The following USF3 variants were observed in gnomAD, a reference collection of about 807,000 sequenced individuals.
USF3 encodes the protein upstream transcription factor family member 3.
A neutral mutation model predicts 157.5 loss-of-function variants in USF3; 29 were observed. The ratio of observed to expected loss-of-function variants is 0.18; its 90% CI spans 0.14 to 0.25. USF3 has a LOEUF of 0.25. Ranked by LOEUF, USF3 falls within the 10% of genes least tolerant of loss-of-function variation. USF3 has a pLI of 1.00. For synonymous variants in USF3, 893 were observed against 941.4 expected (o/e 0.95, Z 0.94); for missense variants, 2,381 against 2,667.6 (o/e 0.89, Z 2.37).
intron 5 of USF3, among the ~76,000 whole-genome samples, chr3:113,667,162 G>A (rs922050472): frequency 2.0e-5 from 3 of 151,710 alleles, no homozygotes; most frequent in Admixed American, 6.7e-5. Flanking sequence ...GACCCAATAC[G>A]TAAACCCAGG....
chr3:113,682,507 TAA>T (rs1267621757), intron 1 of USF3, among the ~76,000 whole-genome samples: 6 of 152,164 alleles, frequency 3.9e-5, no homozygotes, highest in South Asian at 2.1e-4. Flanking sequence ...CAAATAAGTC[TAA>T]TGTTTGTTGA....
intron 1 of USF3, among the ~76,000 whole-genome samples, chr3:113,691,815 G>A (rs1233606501): frequency 6.6e-6 from 1 of 152,154 alleles, no homozygotes; most frequent in Non-Finnish European, 1.5e-5. Context: ...GGTAGACAGC[G>A]GTGACACTAC....
At position 113,676,527 on chromosome 3, in the gene USF3, A is replaced by G. The variant is rs527711070; in HGVS notation, c.-19+755T>C. 2.0e-5 allele frequency among the ~76,000 whole-genome samples: 3 copies of G among 152,312 alleles called. No individual in the cohort carries two copies. The South Asian group carries it at 6.2e-4, about 32-fold the overall frequency. On this transcript the variant is annotated intron_variant, in intron 2 of 6. Coordinates refer to ENST00000316407, the MANE Select transcript of USF3 (RefSeq NM_001009899.4). The stretch of plus-strand genomic sequence containing the variant: ...ACTATCACAAGAACAGCATGAGGGT[A>G]ACGGCCCCCATGATTCAATTACCTC...
At chr3:113,687,258 C>CACAG (rs746324695) in intron 1 of USF3, among the ~76,000 whole-genome samples, 92 of 151,552 alleles carry the variant, frequency 6.1e-4, no homozygotes, top group Non-Finnish European at 1.1e-3. Context: ...CACACACACA[C>CACAG]ACACACACCC....
intron 1 of USF3, among the ~76,000 whole-genome samples, chr3:113,694,122 G>A (rs1453239446): frequency 6.6e-6 from 1 of 152,252 alleles, no homozygotes; most frequent in Non-Finnish European, 1.5e-5. Context: ...ACAAGGTGAT[G>A]CTCATGTACA....
At chr3:113,679,815 T>A (rs1209109947) in intron 1 of USF3, among the ~76,000 whole-genome samples, 1 of 152,186 alleles carries the variant, frequency 6.6e-6, no homozygotes, top group East Asian at 1.9e-4. Context: ...TATAAATGTA[T>A]TGATTGGGAA....
intron 2 of USF3, among the ~76,000 whole-genome samples, chr3:113,675,362 T>C (rs1176649178): frequency 1.3e-5 from 2 of 152,188 alleles, no homozygotes; most frequent in Admixed American, 6.5e-5. Flanking sequence ...TAATATTCCA[T>C]ACATGAAAGC....
intron 4 of USF3, among the ~76,000 whole-genome samples, chr3:113,672,521 A>T (rs189799462): frequency 1.3e-4 from 20 of 152,292 alleles, no homozygotes; most frequent in Non-Finnish European, 4.4e-5. Flanking sequence ...GCAAAAAAAA[A>T]TCAAAGCAAT....
intron 1 of USF3, among the ~76,000 whole-genome samples, chr3:113,687,745 C>T (rs770310763): frequency 9.8e-5 from 15 of 152,322 alleles, no homozygotes; most frequent in Non-Finnish European, 2.1e-4. Context: ...AGAATGCTAA[C>T]TCCACTCCTC....
chr3:113,649,500 T>C lies in USF3; in HGVS notation c.*5444A>G. ...GTTTAACAGGAGTTTTGCTACTAGG[T>C]TTTTTTTTTGTTTTTTGTTTTTTTT... is the stretch of plus-strand genomic sequence containing the variant. On this transcript the variant is annotated 3_prime_UTR_variant, in exon 7 of 7. Coordinates refer to ENST00000316407, the MANE Select transcript of USF3 (RefSeq NM_001009899.4). 1 of 210,940 alleles carries C rather than the reference T, an allele frequency of 4.7e-6. No individual in the cohort carries two copies. The highest frequency in any genetic ancestry group is 9.3e-6 in the Non-Finnish European group (1 of 108,020). 13.1% of individuals were successfully genotyped at this position (210,940 alleles called of 1,614,324 possible). A position where few individuals can be genotyped will look rare whatever the true frequency, so the allele number is the denominator to read the frequency against.
intron 1 of USF3, among the ~76,000 whole-genome samples, chr3:113,685,672 G>T (rs1444399087): frequency 6.6e-6 from 1 of 152,144 alleles, no homozygotes; most frequent in Non-Finnish European, 1.5e-5. Context: ...CACAGTTTTG[G>T]TTCTTGCCCA....
chr3:113,678,415 A>G (rs901117542), intron 1 of USF3, among the ~76,000 whole-genome samples: 2 of 152,162 alleles, frequency 1.3e-5, no homozygotes, highest in African/African-American at 4.8e-5. Context: ...GGTCTATCAC[A>G]TAAGTAAACA....
intron 4 of USF3, among the ~76,000 whole-genome samples, chr3:113,671,979 C>T (rs1472975489): frequency 6.6e-6 from 1 of 151,626 alleles, no homozygotes; most frequent in Non-Finnish European, 1.5e-5. Context: ...CTATGTTGCC[C>T]ACGCTGGTTT....
chr3:113,649,808 A>C lies in USF3; in HGVS notation c.*5136T>G, dbSNP rs1254925628. The C allele has an allele frequency of 7.1e-6, 5 of 702,756 alleles. No homozygotes were observed. The highest frequency in any genetic ancestry group is 1.3e-5 in the Non-Finnish European group (5 of 384,902). The allele number at this position is 702,756 out of a possible 1,614,324, so 43.5% of individuals were successfully genotyped here. A position where few individuals can be genotyped will look rare whatever the true frequency, so the allele number is the denominator to read the frequency against. ...GCTTCTTATCAGCATGGACTGACTC[A>C]ATCTAAATTTGGTGTCCCCCCTCCA... On this transcript the variant is annotated 3_prime_UTR_variant, in exon 7 of 7. Coordinates refer to ENST00000316407, the MANE Select transcript of USF3 (RefSeq NM_001009899.4).
chr3:113,688,354 G>A (rs942703325), intron 1 of USF3, among the ~76,000 whole-genome samples: 1 of 152,094 alleles, frequency 6.6e-6, no homozygotes, highest in South Asian at 2.1e-4. Flanking sequence ...TCCTGACCTC[G>A]TGATCCCCCC....
intron 5 of USF3, among the ~76,000 whole-genome samples, chr3:113,664,824 G>A (rs1947539193): frequency 6.6e-6 from 1 of 152,122 alleles, no homozygotes; most frequent in South Asian, 2.1e-4. Context: ...TGGTTTTTGG[G>A]AGGTAATTAG....
chr3:113,682,090 G>A (rs1295111840), intron 1 of USF3, among the ~76,000 whole-genome samples: 1 of 152,206 alleles, frequency 6.6e-6, no homozygotes, highest in Non-Finnish European at 1.5e-5. Context: ...TTGGGAGGCA[G>A]AAGTGGGAGG....
chr3:113,658,212 A>T lies in USF3; in HGVS notation c.3470T>A (p.Ile1157Lys), dbSNP rs774867579. The change falls in exon 7 of 7, where the codon ATA becomes AAA. Residue 1157 changes from isoleucine to lysine, a missense_variant. Ile to Lys is a moderately radical substitution (Grantham distance 102). Transcript: ENST00000316407. ...EKGRVGLQAD[I>K]REVASKPSEA... is the part of the protein sequence containing the mutation. ...AGAAGGCTTTGAAGCAACTTCCCTT[A>T]TATCAGCCTGGAGGCCAACTCTCCC... 4 of 1,614,038 alleles carry T rather than the reference A, an allele frequency of 2.5e-6. No individual in the cohort carries two copies. In the African/African-American group the frequency reaches 4.0e-5, roughly 16 times the overall value.
chr3:113,656,882 A>T lies in USF3; in HGVS notation c.4800T>A (p.Ile1600=). The change falls in exon 7 of 7, where the codon ATT becomes ATA. Residue 1600 remains isoleucine, a synonymous_variant. Coordinates refer to ENST00000316407, the MANE Select transcript of USF3 (RefSeq NM_001009899.4). Reference sequence around the variant, plus strand: ...TTCCAACATCCTGCTGTTGGTGCATAATATCTTGATTGAGATGGTTCTGGG... The same window carrying T: ...TTCCAACATCCTGCTGTTGGTGCATTATATCTTGATTGAGATGGTTCTGGG... The part of the protein sequence containing the change: ...NHPQNHLNQD[I]MHQQQDVGSR... The T allele has an allele frequency of 6.2e-7, 1 of 1,614,186 alleles. No individual in the cohort carries two copies. The highest frequency in any genetic ancestry group is 8.5e-7 in the Non-Finnish European group (1 of 1,180,020).
Sources: gnomAD v4.1 joint callset for allele counts (sites outside exome capture counted in the v4.1 genomes callset) on GRCh38, gnomAD v4.1.1 for gene constraint, MANE v1.5 for transcripts, NCBI Gene and HGNC (gene_info 2026-07-23, HGNC 2026-07-21) for gene names.